RTTN: variants seen among roughly 807,000 people sequenced by gnomAD.
The protein encoded by RTTN is rotatin.
RTTN carries 182 observed loss-of-function variants against 269.2 expected under a neutral mutation model. The ratio of observed to expected loss-of-function variants is 0.68; its 90% CI spans 0.60 to 0.76. RTTN has a LOEUF of 0.76. Among genes scored for constraint, RTTN ranks in the 30% least tolerant of loss-of-function variants. The pLI is 0.00. For missense variants in RTTN, 2,545 were observed against 2,608.6 expected (o/e 0.98, Z 0.53); for synonymous variants, 1,006 against 963.5 (o/e 1.04, Z -0.82).
chr18:70,057,980 T>A, intron 36 of RTTN, 148 bp from the exon 37 acceptor site: 1 of 573,692 alleles, frequency 1.7e-6, no homozygotes, highest in South Asian at 2.5e-5. Flanking sequence ...TATAAAAAGA[T>A]ATCTCAAAGA....
chr18:70,044,958 T>C (rs962626404), intron 40 of RTTN, among the ~76,000 whole-genome samples: 3 of 152,190 alleles, frequency 2.0e-5, no homozygotes, highest in African/African-American at 7.2e-5. Flanking sequence ...AAGGCAAAAC[T>C]ACAGATAAGA....
intron 10 of RTTN, among the ~76,000 whole-genome samples, chr18:70,184,270 A>G (rs1360789396): frequency 2.0e-5 from 3 of 152,218 alleles, no homozygotes; most frequent in Non-Finnish European, 4.4e-5. Context: ...AGAGCTAAAT[A>G]AGGCTGGGCA....
At chr18:70,101,412 C>T (rs1028744092) in intron 28 of RTTN, among the ~76,000 whole-genome samples, 6 of 152,134 alleles carry the variant, frequency 3.9e-5, no homozygotes, top group Non-Finnish European at 8.8e-5. Flanking sequence ...TCTGTGGGAT[C>T]GGTGTTGATA....
At chr18:70,192,610 G>A (rs1025727568) in intron 8 of RTTN, among the ~76,000 whole-genome samples, 32 of 144,686 alleles carry the variant, frequency 2.2e-4, no homozygotes, top group Admixed American at 6.5e-4. Flanking sequence ...GAGCCCAGAA[G>A]TCAAGGCTAT....
chr18:70,160,460 C>G (rs917517695), intron 14 of RTTN, among the ~76,000 whole-genome samples: 1 of 151,908 alleles, frequency 6.6e-6, no homozygotes, highest in African/African-American at 2.4e-5. Context: ...AAAGCCACAG[C>G]CAGTATCATA....
intron 19 of RTTN, 50 bp downstream of exon 19, chr18:70,142,237 TA>T: frequency 1.6e-6 from 2 of 1,223,830 alleles, no homozygotes; most frequent in Non-Finnish European, 1.2e-6. Flanking sequence ...TATGGCAATC[TA>T]AAATTCTATT....
chr18:70,177,024 A>T (rs1257299815), intron 10 of RTTN, among the ~76,000 whole-genome samples, 179 bp from the exon 11 acceptor site: 2 of 152,246 alleles, frequency 1.3e-5, no homozygotes, highest in African/African-American at 4.8e-5. Flanking sequence ...AAAAAGCACA[A>T]AAGAATGATA....
In RTTN at chr18:70,196,614, T is replaced by TGTC. The variant is rs1568554608; in HGVS notation, c.727_728insGAC (p.Asp243delinsGlyHis). The TGTC allele has an allele frequency of 6.2e-7, 1 of 1,613,062 alleles. No individual in the cohort carries two copies. The highest frequency in any genetic ancestry group is 1.7e-5 in the Admixed American group (1 of 59,906). On this transcript the variant is annotated protein_altering_variant, in exon 7 of 49. Coordinates refer to ENST00000640769, the MANE Select transcript of RTTN (RefSeq NM_173630.4). ...CTGTAATGCCAGGCGATGCTTTCCATCTCCAAAGGCCAGTTTCAACAGAGA... is the reference window on the plus strand; with the variant it reads ...CTGTAATGCCAGGCGATGCTTTCCATGTCCTCCAAAGGCCAGTTTCAACAGAGA...
intron 40 of RTTN, among the ~76,000 whole-genome samples, chr18:70,033,028 T>C (rs893320598): frequency 6.6e-6 from 1 of 152,272 alleles, no homozygotes; most frequent in Non-Finnish European, 1.5e-5. Context: ...TAGTCCCCAA[T>C]GTTGGGAACT....
chr18:70,061,737 G>A (rs1272986414), intron 35 of RTTN, among the ~76,000 whole-genome samples: 1 of 152,070 alleles, frequency 6.6e-6, no homozygotes, highest in African/African-American at 2.4e-5. Flanking sequence ...CTCGGGATGA[G>A]GTGGGAGGAT....
chr18:70,150,005 A>G lies in RTTN; in HGVS notation c.2138T>C (p.Ile713Thr), dbSNP rs971359345. The change falls in exon 16 of 49, where the codon ATT becomes ACT. Residue 713 changes from isoleucine (I) to threonine (T), a missense_variant. Transcript: ENST00000640769. ...MMTALTWNKF[I>T]ESLCPVIPIL... ...TGGGATGACAGGACAGAGAGATTCAATAAACTTGTTCCAGGTCAATGCTGT... is the reference window on the plus strand; with the variant it reads ...TGGGATGACAGGACAGAGAGATTCAGTAAACTTGTTCCAGGTCAATGCTGT... 1 of 1,612,874 alleles carries G rather than the reference A, an allele frequency of 6.2e-7. No individual in the cohort carries two copies. Among genetic ancestry groups the G allele is most frequent in the African/African-American group, 1.3e-5 (1 of 74,890 alleles).
intron 14 of RTTN, among the ~76,000 whole-genome samples, chr18:70,156,039 G>A (rs1237895056): frequency 6.6e-6 from 1 of 152,122 alleles, no homozygotes; most frequent in Non-Finnish European, 1.5e-5. Flanking sequence ...TGTAGAGCAT[G>A]TGTGTTTGAA....
At chr18:70,114,663 G>A in intron 26 of RTTN, 64 bp from the exon 27 acceptor site, 1 of 1,480,702 alleles carries the variant, frequency 6.8e-7, no homozygotes, top group Admixed American at 2.0e-5. Context: ...TCCTATAAAG[G>A]GTTTGGTTGC....
chr18:70,082,219 G>A (rs1230592346), intron 32 of RTTN, among the ~76,000 whole-genome samples: 1 of 152,114 alleles, frequency 6.6e-6, no homozygotes, highest in Admixed American at 6.6e-5. Context: ...ACATTTAAAT[G>A]TGAGATCATT....
At chr18:70,029,099 A>G (rs750226316) in intron 42 of RTTN, among the ~76,000 whole-genome samples, 7 of 152,028 alleles carry the variant, frequency 4.6e-5, no homozygotes, top group African/African-American at 1.5e-4. Flanking sequence ...GAGATTTTCA[A>G]TAATATCAGG....
chr18:70,199,129 T>C (rs898587844), intron 5 of RTTN, among the ~76,000 whole-genome samples: 3 of 152,080 alleles, frequency 2.0e-5, no homozygotes, highest in African/African-American at 4.8e-5. Flanking sequence ...GGAGGTTGCA[T>C]TGAGCCAGAT....
chr18:70,029,970 A>G (rs2056965025), intron 42 of RTTN, 42 bp downstream of exon 42: 2 of 1,379,774 alleles, frequency 1.4e-6, no homozygotes, highest in Non-Finnish European at 2.1e-6. Flanking sequence ...GGACTGGAGA[A>G]TGGTCTCTAT....
intron 14 of RTTN, among the ~76,000 whole-genome samples, chr18:70,162,636 T>C (rs906173657): frequency 3.3e-5 from 5 of 152,096 alleles, no homozygotes; most frequent in African/African-American, 1.2e-4. Context: ...ACTGCCCCCA[T>C]GATTCCAATT....
chr18:70,012,079 T>TAG, intron 46 of RTTN, among the ~76,000 whole-genome samples: 4 of 99,068 alleles, frequency 4.0e-5, no homozygotes, highest in African/African-American at 6.3e-5. Flanking sequence ...TGGTATTGGT[T>TAG]ACAGGGCAGC....
Sources: allele counts gnomAD v4.1 joint callset (sites outside exome capture counted in the v4.1 genomes callset), GRCh38; gene constraint gnomAD v4.1.1; transcripts MANE v1.5; gene names NCBI Gene and HGNC (gene_info 2026-07-23, HGNC 2026-07-21).